LINGO2: variants seen among roughly 807,000 people sequenced by gnomAD.
LINGO2 encodes leucine-rich repeat and immunoglobulin-like domain-containing nogo receptor-interacting protein 2.
A neutral mutation model predicts 30.6 loss-of-function variants in LINGO2; 14 were observed. The ratio of observed to expected loss-of-function variants is 0.46; its 90% CI spans 0.30 to 0.72. The LOEUF (loss-of-function observed/expected upper bound fraction) is 0.72, where lower values mean the gene tolerates loss of function less well. Ranked by LOEUF, LINGO2 falls within the 30% of genes least tolerant of loss-of-function variation. The pLI is 0.07. For synonymous variants in LINGO2, 317 were observed against 288.5 expected, an observed-to-expected ratio of 1.10 and a Z score of -1.00; for missense variants, 729 against 751.7, an observed-to-expected ratio of 0.97 and a Z score of 0.35.
At chr9:28,404,655 T>G (rs1176962663) in intron 2 of LINGO2, among the ~76,000 whole-genome samples, 2 of 152,214 alleles carry the variant, frequency 1.3e-5, no homozygotes, top group African/African-American at 4.8e-5. Flanking sequence ...AATATTTCTT[T>G]TGACATAAAT....
the LINGO2 span, among the ~76,000 whole-genome samples, chr9:29,050,032 C>T: frequency 2.9e-5 from 4 of 135,904 alleles, no homozygotes; most frequent in Non-Finnish European, 6.5e-5. Context: ...GTGCTTATTA[C>T]ATTTTTTTTT....
chr9:28,532,279 G>T (rs1328680486), intron 1 of LINGO2, among the ~76,000 whole-genome samples: 2 of 152,098 alleles, frequency 1.3e-5, no homozygotes, highest in African/African-American at 4.8e-5. Context: ...AAAAAGAGAG[G>T]TTTCATATCA....
At chr9:29,057,217 C>A in the LINGO2 span, among the ~76,000 whole-genome samples, 1 of 151,874 alleles carries the variant, frequency 6.6e-6, no homozygotes, top group South Asian at 2.1e-4. Context: ...AATATTGATT[C>A]TATCCATCCA....
intron 4 of LINGO2, among the ~76,000 whole-genome samples, chr9:28,045,481 G>A (rs1379329975): frequency 2.6e-5 from 4 of 152,146 alleles, no homozygotes; most frequent in Non-Finnish European, 5.9e-5. Context: ...AATGCACAAT[G>A]ATACAGGGGA....
chr9:28,306,080 A>G (rs1250858540), intron 3 of LINGO2, among the ~76,000 whole-genome samples: 1 of 152,080 alleles, frequency 6.6e-6, no homozygotes, highest in Non-Finnish European at 1.5e-5. Flanking sequence ...ATTATTTTCT[A>G]CTCAAAGCTG....
At chr9:28,557,383 G>C (rs1003250662) in intron 1 of LINGO2, among the ~76,000 whole-genome samples, 1 of 152,058 alleles carries the variant, frequency 6.6e-6, no homozygotes, top group African/African-American at 2.4e-5. Flanking sequence ...GCAGCCAACA[G>C]ACACATGAAA....
intron 1 of LINGO2, among the ~76,000 whole-genome samples, chr9:28,477,822 G>T (rs1260052307): frequency 1.3e-5 from 2 of 152,050 alleles, no homozygotes; most frequent in African/African-American, 4.8e-5. Context: ...GCTTTTTATT[G>T]CACATGGAAT....
intron 1 of LINGO2, among the ~76,000 whole-genome samples, chr9:28,632,020 A>C (rs73443382): frequency 0.019 from 2,909 of 152,224 alleles, 63 homozygotes; most frequent in African/African-American, 0.039. Context: ...AAGGGTGGCA[A>C]ATAGATGTCA....
the LINGO2 span, among the ~76,000 whole-genome samples, chr9:29,091,556 G>C: frequency 7.9e-5 from 12 of 151,952 alleles, no homozygotes; most frequent in Admixed American, 6.6e-5. Context: ...TGTTATCCTA[G>C]ACCTACAAAT....
intron 3 of LINGO2, among the ~76,000 whole-genome samples, chr9:28,359,891 C>T (rs1820373363): frequency 6.6e-6 from 1 of 152,104 alleles, no homozygotes; most frequent in Admixed American, 6.6e-5. Context: ...ACCAGTTTAC[C>T]CTAGGGGCTG....
chr9:28,455,950 G>A (rs1824829654), intron 2 of LINGO2, among the ~76,000 whole-genome samples: 1 of 152,038 alleles, frequency 6.6e-6, no homozygotes, highest in African/African-American at 2.4e-5. Flanking sequence ...TTGCCAGGTG[G>A]ACACATACTT....
At chr9:28,055,711 A>C (rs905974869) in intron 4 of LINGO2, among the ~76,000 whole-genome samples, 2 of 152,188 alleles carry the variant, frequency 1.3e-5, no homozygotes, top group Non-Finnish European at 2.9e-5. Flanking sequence ...CTGTTACTTA[A>C]AATTCTTTAA....
At chr9:28,992,799 AT>A in the LINGO2 span, among the ~76,000 whole-genome samples, 1 of 152,164 alleles carries the variant, frequency 6.6e-6, no homozygotes, top group Non-Finnish European at 1.5e-5. Context: ...AGAAATAAAG[AT>A]GTTCTTTGAA....
the LINGO2 span, among the ~76,000 whole-genome samples, chr9:28,716,251 GT>G: frequency 6.6e-6 from 1 of 151,692 alleles, no homozygotes; most frequent in South Asian, 2.1e-4. Context: ...CACTTTCCAA[GT>G]TATTTTCTTT....
At chr9:28,549,774 T>A (rs967007871) in intron 1 of LINGO2, among the ~76,000 whole-genome samples, 77 of 152,046 alleles carry the variant, frequency 5.1e-4, no homozygotes, top group African/African-American at 1.8e-3. Context: ...ATATAACAGA[T>A]AAATTTTATT....
At chr9:28,510,713 C>T (rs1023145253) in intron 1 of LINGO2, among the ~76,000 whole-genome samples, 2 of 151,908 alleles carry the variant, frequency 1.3e-5, no homozygotes, top group Admixed American at 6.6e-5. Flanking sequence ...TGTGTGTACA[C>T]ACACACAGTC....
chr9:29,199,277 C>G, the LINGO2 span, among the ~76,000 whole-genome samples: 3 of 152,058 alleles, frequency 2.0e-5, no homozygotes, highest in Admixed American at 6.5e-5. Context: ...TGGTTAAATG[C>G]CCTGCCCAAC....
chr9:29,151,065 C>T, the LINGO2 span, among the ~76,000 whole-genome samples: 1 of 151,832 alleles, frequency 6.6e-6, no homozygotes, highest in African/African-American at 2.4e-5. Context: ...GCAGACCTCT[C>T]AGCAGAAACC....
intron 3 of LINGO2, among the ~76,000 whole-genome samples, chr9:28,322,871 C>T (rs1041102635): frequency 2.0e-5 from 3 of 152,152 alleles, no homozygotes; most frequent in East Asian, 1.9e-4. Context: ...CTGACCAATA[C>T]ATTTTAAAAT....
Sources: allele counts gnomAD v4.1 joint callset (sites outside exome capture counted in the v4.1 genomes callset), GRCh38; gene constraint gnomAD v4.1.1; transcripts MANE v1.5; gene names NCBI Gene and HGNC (gene_info 2026-07-23, HGNC 2026-07-21).